Variants in UBE2D3 observed in about 807,000 individuals in gnomAD.
The protein encoded by UBE2D3 is ubiquitin conjugating enzyme E2 D3, also known as ubiquitin-conjugating enzyme E2 D3.
A neutral mutation model predicts 22.8 loss-of-function variants in UBE2D3; 2 were observed. The ratio of observed to expected loss-of-function variants is 0.09; its 90% confidence interval spans 0.04 to 0.28. The LOEUF (loss-of-function observed/expected upper bound fraction) is 0.28, where lower values mean the gene tolerates loss of function less well. Ranked by LOEUF, UBE2D3 falls within the 10% of genes least tolerant of loss-of-function variation. UBE2D3 has a pLI of 1.00. For synonymous variants in UBE2D3, 56 were observed against 60.4 expected, an observed-to-expected ratio of 0.93 and a Z score of 0.34; for missense variants, 27 against 182.5, an observed-to-expected ratio of 0.15 and a Z score of 4.91.
upstream of UBE2D3, among the ~76,000 whole-genome samples, chr4:102,828,352 G>A (rs1042580957): frequency 4.6e-5 from 7 of 152,134 alleles, no homozygotes; most frequent in African/African-American, 1.7e-4. Flanking sequence ...CTCCTGGGCT[G>A]GTTATGCTGT....
chr4:102,824,819 G>C (rs966887367), intron 2 of UBE2D3, among the ~76,000 whole-genome samples: 1 of 152,174 alleles, frequency 6.6e-6, no homozygotes, highest in Admixed American at 6.5e-5. Context: ...TGCTCTTTGT[G>C]TAAACCACAC....
At position 102,836,528 on chromosome 4, in the gene UBE2D3, T is replaced by C. The variant is rs139664007; in HGVS notation, c.-128-9892A>G. ...TTATATGGACATATGTTTTCATTTC[T>C]CTTGAGTAAGTAGCTTAGGAGTGGA... On this transcript the variant is annotated intron_variant, in intron 1 of 7. Coordinates refer to the UBE2D3 transcript ENST00000338145. 4.0e-3 allele frequency among the ~76,000 whole-genome samples: 612 copies of C among 152,314 alleles called. 4 individuals carry two copies. The highest frequency in any genetic ancestry group is 0.029 in the South Asian group (142 of 4,826).
rs386626793 is a variant in UBE2D3 at position 102,853,135 on chromosome 4, A to ATCTTTTTTTTTTTTTTTTTT, written c.-129+15579_-129+15580insAAAAAAAAAAAAAAAAAAGA. Among the ~76,000 whole-genome samples the ATCTTTTTTTTTTTTTTTTTT allele has an allele frequency of 2.0e-4, 18 of 88,606 alleles. 3 individuals are homozygous for ATCTTTTTTTTTTTTTTTTTT. The highest frequency in any genetic ancestry group is 5.8e-4 in the Admixed American group (4 of 6,886). 58.1% of individuals were successfully genotyped at this position (88,606 alleles called of 152,430 possible). A position where few individuals can be genotyped will look rare whatever the true frequency, so the allele number is the denominator to read the frequency against. The stretch of plus-strand genomic sequence containing the variant: ...GTCAAAATTACACACAAACACACAC[A>ATCTTTTTTTTTTTTTTTTTT]TTTTTTTTTTTTTTTTTTTTTTTTT... On this transcript the variant is annotated intron_variant, in intron 1 of 7. Transcript: ENST00000338145.
intron 1 of UBE2D3, among the ~76,000 whole-genome samples, chr4:102,859,638 C>G (rs536394727): frequency 4.7e-4 from 72 of 151,936 alleles, no homozygotes; most frequent in African/African-American, 1.6e-3. Flanking sequence ...TCTTTCTCTG[C>G]TTGCTCTACC....
At chr4:102,800,249 T>C (rs555793109) in intron 6 of UBE2D3, among the ~76,000 whole-genome samples, 11 of 151,656 alleles carry the variant, frequency 7.3e-5, no homozygotes, top group African/African-American at 2.7e-4. Context: ...AAAGCAATAG[T>C]ATAAAAAAGA....
At chr4:102,847,207 A>G (rs1017823113) in intron 1 of UBE2D3, among the ~76,000 whole-genome samples, 1 of 152,218 alleles carries the variant, frequency 6.6e-6, no homozygotes, top group Non-Finnish European at 1.5e-5. Flanking sequence ...CAAATCTACC[A>G]TATCTGCCCA....
intron 1 of UBE2D3, among the ~76,000 whole-genome samples, chr4:102,851,884 G>A (rs918952511): frequency 1.3e-5 from 2 of 151,880 alleles, no homozygotes; most frequent in African/African-American, 4.8e-5. Context: ...GGTCAGGCTG[G>A]TCTCGAACTC....
At chr4:102,826,361 C>G in intron 2 of UBE2D3, 124 bp downstream of exon 2, 6 of 1,224,480 alleles carry the variant, frequency 4.9e-6, no homozygotes, top group Non-Finnish European at 5.9e-6. Flanking sequence ...TCTCCATCCC[C>G]CCATGGAAGA....
At chr4:102,853,978 T>TA (rs912948329) in intron 1 of UBE2D3, among the ~76,000 whole-genome samples, 18 of 151,636 alleles carry the variant, frequency 1.2e-4, no homozygotes, top group Non-Finnish European at 2.1e-4. Flanking sequence ...TTAGTTGAAT[T>TA]AAAAAAAAAT....
At chr4:102,798,279 A>AAATATATATATATATATATATATATATAT (rs1725523227) in intron 7 of UBE2D3, among the ~76,000 whole-genome samples, 2 of 111,858 alleles carry the variant, frequency 1.8e-5, no homozygotes, top group African/African-American at 4.0e-5. Context: ...TTAAGAAATG[A>AAATATATATATATATATATATATATATAT]ATATATATAT....
At chr4:102,799,534 T>G in intron 6 of UBE2D3, 34 bp from the exon 7 acceptor site, 7 of 1,547,244 alleles carry the variant, frequency 4.5e-6, no homozygotes, top group Non-Finnish European at 6.2e-6. Context: ...TTACCCAGTT[T>G]CAGGAGTTTG....
upstream of UBE2D3, chr4:102,827,889 C>G: frequency 1.0e-6 from 1 of 985,740 alleles, no homozygotes; most frequent in Non-Finnish European, 1.2e-6. Flanking sequence ...AAGGAAGCAG[C>G]CGCTGCGCGA....
Position 102,868,072 on chromosome 4 carries a change from C to CTTTTTTTTT in UBE2D3, c.-129+634_-129+642dup, listed in dbSNP as rs11418599. On this transcript the variant is annotated intron_variant, in intron 1 of 7. Transcript: ENST00000338145. ...AAAACCATACATAAGGCTTTAGATT[C>CTTTTTTTTT]TTTTTTTTTTTTTTTTTTGTGACGG... Among the ~76,000 whole-genome samples, 36 of 115,276 alleles carry CTTTTTTTTT rather than the reference C, an allele frequency of 3.1e-4. 1 individual carries two copies. Among genetic ancestry groups the CTTTTTTTTT allele is most frequent in the Middle Eastern group, 4.5e-3 (1 of 224 alleles). 75.6% of individuals were successfully genotyped at this position (115,276 alleles called of 152,430 possible).
Position 102,838,089 on chromosome 4 carries a change from T to C in UBE2D3, c.-128-11453A>G, listed in dbSNP as rs562503826. Among the ~76,000 whole-genome samples the C allele has an allele frequency of 6.4e-4, 97 of 152,242 alleles. 1 individual carries two copies. The highest frequency in any genetic ancestry group is 2.3e-3 in the African/African-American group (94 of 41,548). On this transcript the variant is annotated intron_variant, in intron 1 of 7. Transcript: ENST00000338145. Reference sequence around the variant, plus strand: ...AGCCATGGTCTTGCTGCTGCACTCCTACCTGGTGACAGAGCAAGACTCTGT... The same window carrying C: ...AGCCATGGTCTTGCTGCTGCACTCCCACCTGGTGACAGAGCAAGACTCTGT...
At chr4:102,836,181 C>T (rs1731389783) in intron 1 of UBE2D3, among the ~76,000 whole-genome samples, 1 of 131,600 alleles carries the variant, frequency 7.6e-6, no homozygotes, top group Non-Finnish European at 1.6e-5. Context: ...GAGTCTCACT[C>T]TGTCACCCAG....
At chr4:102,824,138 T>C (rs1420224473) in intron 2 of UBE2D3, among the ~76,000 whole-genome samples, 1 of 152,234 alleles carries the variant, frequency 6.6e-6, no homozygotes, top group Non-Finnish European at 1.5e-5. Context: ...TCAAAGTTTC[T>C]GTAAGTTGAA....
intron 2 of UBE2D3, among the ~76,000 whole-genome samples, chr4:102,822,752 G>A (rs929107997): frequency 1.2e-4 from 5 of 41,742 alleles, no homozygotes; most frequent in Admixed American, 4.3e-4. Flanking sequence ...TGGTTAACAC[G>A]GTGAAACCCT....
At chr4:102,858,818 C>G (rs1732747984) in intron 1 of UBE2D3, among the ~76,000 whole-genome samples, 1 of 151,860 alleles carries the variant, frequency 6.6e-6, no homozygotes, top group Non-Finnish European at 1.5e-5. Context: ...CTCATCTATC[C>G]TCTCCCACAT....
intron 1 of UBE2D3, 105 bp from the exon 2 acceptor site, chr4:102,826,741 T>TGGCAA (rs1730566833): frequency 3.5e-6 from 5 of 1,419,276 alleles, no homozygotes; most frequent in South Asian, 1.5e-5. Flanking sequence ...TGGGGTGGCG[T>TGGCAA]GGCAAAGCCA....
Sources: gnomAD v4.1 joint callset for allele counts (sites outside exome capture counted in the v4.1 genomes callset) on GRCh38, gnomAD v4.1.1 for gene constraint, MANE v1.5 for transcripts, NCBI Gene and HGNC (gene_info 2026-07-23, HGNC 2026-07-21) for gene names.